SAMHD1: variants seen among roughly 807,000 people sequenced by gnomAD.
The protein encoded by SAMHD1 is SAM and HD domain containing deoxynucleoside triphosphate triphosphohydrolase 1.
A neutral mutation model predicts 79.6 loss-of-function variants in SAMHD1; 54 were observed. The observed-to-expected ratio is 0.68, with a 90% CI of 0.55 to 0.85. SAMHD1 has a LOEUF of 0.85. Among genes scored for constraint, SAMHD1 ranks in the 40% least tolerant of loss-of-function variants. The pLI, the probability that SAMHD1 is intolerant of heterozygous loss-of-function variation, is 0.00. For missense variants in SAMHD1, 663 were observed against 782.7 expected (o/e 0.85, Z 1.82); for synonymous variants, 260 against 264.1 (o/e 0.98, Z 0.15).
chr20:36,914,444 G>A (rs553716185), intron 9 of SAMHD1, among the ~76,000 whole-genome samples: 3 of 151,800 alleles, frequency 2.0e-5, no homozygotes, highest in South Asian at 2.1e-4. Flanking sequence ...TCCGCCTCCC[G>A]GGTTCAAGTT....
chr20:36,948,292 G>A (rs866832134), intron 1 of SAMHD1, among the ~76,000 whole-genome samples: 83 of 151,718 alleles, frequency 5.5e-4, no homozygotes, highest in African/African-American at 1.6e-3. Context: ...TCACTCGGTC[G>A]CCCAGGCTGG....
chr20:36,906,394 C>T (rs1370860734), intron 11 of SAMHD1, among the ~76,000 whole-genome samples: 3 of 152,110 alleles, frequency 2.0e-5, no homozygotes, highest in Admixed American at 6.5e-5. Context: ...GCCGAGATGG[C>T]GCCACTGCAC....
At chr20:36,912,991 C>T (rs1442105488) in intron 9 of SAMHD1, among the ~76,000 whole-genome samples, 4 of 107,088 alleles carry the variant, frequency 3.7e-5, no homozygotes, top group Non-Finnish European at 3.6e-5. Flanking sequence ...TTTTTCTTTT[C>T]TTTCTTCCTT....
chr20:36,916,540 A>AAGTTT (rs2063476951), intron 9 of SAMHD1, 182 bp downstream of exon 9: 1 of 583,646 alleles, frequency 1.7e-6, no homozygotes, highest in African/African-American at 1.9e-5. Flanking sequence ...ATAAATGTCC[A>AAGTTT]TGTTAATTTT....
intron 2 of SAMHD1, among the ~76,000 whole-genome samples, chr20:36,942,481 G>A (rs2063652761): frequency 6.6e-6 from 1 of 152,024 alleles, no homozygotes; most frequent in South Asian, 2.1e-4. Flanking sequence ...CCAAAACCAG[G>A]GGGTTGTTTT....
At chr20:36,939,075 C>CAAAAAAAAAAAAA (rs1178988134) in intron 3 of SAMHD1, among the ~76,000 whole-genome samples, 18 of 22,532 alleles carry the variant, frequency 8.0e-4, no homozygotes, top group Non-Finnish European at 1.1e-3. Context: ...CTAAAAATAC[C>CAAAAAAAAAAAAA]AAAAAAAAAA....
chr20:36,948,588 G>A (rs188711282), intron 1 of SAMHD1, among the ~76,000 whole-genome samples: 13 of 152,040 alleles, frequency 8.6e-5, no homozygotes, highest in Admixed American at 8.5e-4. Context: ...ACTATTGCTG[G>A]TCGGGCGTGG....
At chr20:36,901,875 T>C (rs1458262384) in intron 13 of SAMHD1, among the ~76,000 whole-genome samples, 1 of 152,230 alleles carries the variant, frequency 6.6e-6, no homozygotes, top group East Asian at 1.9e-4. Context: ...AATATCTCTG[T>C]CACTGCAGAA....
chr20:36,893,205 C>A, intron 15 of SAMHD1, 139 bp from the exon 16 acceptor site: 1 of 1,024,130 alleles, frequency 9.8e-7, no homozygotes, highest in Non-Finnish European at 1.5e-6. Flanking sequence ...AGGGAAACTC[C>A]AAATTACATA....
rs1472597876 is a variant in SAMHD1, at chr20:36,916,942, T to G, written c.953+7A>C. ...TAGCCAACTTTTCAGAAGTGTTCAGTGCATACCTGGCAAAATAATCCCATT... is the reference window on the plus strand; with the variant it reads ...TAGCCAACTTTTCAGAAGTGTTCAGGGCATACCTGGCAAAATAATCCCATT... On this transcript the variant is annotated splice_region_variant and intron_variant, in intron 8 of 15. Coordinates refer to ENST00000646673, the MANE Select transcript of SAMHD1 (RefSeq NM_015474.4). 1.2e-6 allele frequency: 2 copies of G among 1,605,006 alleles called. No homozygotes were observed. The highest frequency in any genetic ancestry group is 4.5e-5 in the East Asian group (2 of 44,804).
intron 9 of SAMHD1, 39 bp downstream of exon 9, chr20:36,916,683 A>C: frequency 7.2e-7 from 1 of 1,396,802 alleles, no homozygotes; most frequent in Non-Finnish European, 1.0e-6. Flanking sequence ...TCAGACCAGG[A>C]ACAACATTCT....
intron 3 of SAMHD1, among the ~76,000 whole-genome samples, chr20:36,939,075 CAAAAAAAAA>C (rs1178988134): frequency 0.011 from 251 of 22,536 alleles, 2 homozygotes; most frequent in African/African-American, 0.049. Flanking sequence ...CTAAAAATAC[CAAAAAAAAA>C]AAAAAAAAAA....
intron 15 of SAMHD1, 90 bp from the exon 16 acceptor site, chr20:36,893,156 T>G: frequency 6.7e-7 from 1 of 1,487,008 alleles, no homozygotes; most frequent in Middle Eastern, 1.8e-4. Context: ...GCGCACATCC[T>G]CATCTTGCAT....
intron 1 of SAMHD1, among the ~76,000 whole-genome samples, chr20:36,948,259 T>C (rs535684070): frequency 1.3e-5 from 2 of 152,108 alleles, no homozygotes; most frequent in South Asian, 4.2e-4. Context: ...AGAGACTTTT[T>C]TTTTCTTTTC....
intron 13 of SAMHD1, among the ~76,000 whole-genome samples, chr20:36,899,063 A>C (rs1488083232): frequency 6.6e-6 from 1 of 152,008 alleles, no homozygotes; most frequent in African/African-American, 2.4e-5. Flanking sequence ...GAAGAATGGG[A>C]AATGCACTTG....
At position 36,892,692 on chromosome 20, in the gene SAMHD1, C is replaced by T. The variant is rs143588093; in HGVS notation, c.*240G>A. 1.7e-3 allele frequency: 999 copies of T among 570,988 alleles called. 14 individuals carry two copies. The highest frequency in any genetic ancestry group is 1.8e-4 in the Non-Finnish European group (59 of 319,440). 35.4% of individuals were successfully genotyped at this position (570,988 alleles called of 1,614,324 possible). ...GTTGTTATTCTAAGAAAATAGACTACTGAAGGAGAAAGGCTTTAATAATAT... is the reference window on the plus strand; with the variant it reads ...GTTGTTATTCTAAGAAAATAGACTATTGAAGGAGAAAGGCTTTAATAATAT... On this transcript the variant is annotated 3_prime_UTR_variant, in exon 16 of 16. Transcript: ENST00000646673.
chr20:36,935,255 C>T, intron 3 of SAMHD1, 66 bp from the exon 4 acceptor site: 1 of 1,315,576 alleles, frequency 7.6e-7, no homozygotes, highest in Non-Finnish European at 1.1e-6. Context: ...TGTGTGCAGC[C>T]ATTCCTAATT....
At chr20:36,940,180 C>G (rs2063633127) in intron 3 of SAMHD1, 1 of 144,790 alleles carries the variant, frequency 6.9e-6, no homozygotes, top group South Asian at 2.2e-4. Context: ...GAGCCCCAAC[C>G]TGGGTGACAG....
intron 1 of SAMHD1, among the ~76,000 whole-genome samples, chr20:36,947,492 AGTGTGTGT>A (rs10608624): frequency 1.1e-4 from 4 of 36,238 alleles, no homozygotes; most frequent in Admixed American, 3.2e-4. Context: ...TGTGTGTGTG[AGTGTGTGT>A]GTGTGTGTGT....
Sources: gnomAD v4.1 joint callset for allele counts (sites outside exome capture counted in the v4.1 genomes callset) on GRCh38, gnomAD v4.1.1 for gene constraint, MANE v1.5 for transcripts, NCBI Gene and HGNC (gene_info 2026-07-23, HGNC 2026-07-21) for gene names.